Variants in ANK2 observed in about 807,000 individuals in gnomAD.
ANK2 encodes ankyrin-2.
A neutral mutation model predicts 360.5 loss-of-function variants in ANK2; 83 were observed. The observed-to-expected ratio is 0.23, with a 90% CI of 0.19 to 0.28. ANK2 has a LOEUF of 0.28. Among genes scored for constraint, ANK2 ranks in the 10% least tolerant of loss-of-function variants. The pLI is 1.00. For synonymous variants in ANK2, 1,740 were observed against 1,759.5 expected (o/e 0.99, Z 0.28); for missense variants, 4,201 against 4,795.7 (o/e 0.88, Z 3.66).
At chr4:113,202,828 A>G (rs746104227) in intron 4 of ANK2, among the ~76,000 whole-genome samples, 4 of 152,238 alleles carry the variant, frequency 2.6e-5, no homozygotes, top group Non-Finnish European at 4.4e-5. Context: ...CCAGAACACC[A>G]GCTGGATCAA....
At chr4:113,051,547 T>C (rs1580114145) in intron 1 of ANK2, among the ~76,000 whole-genome samples, 2 of 152,224 alleles carry the variant, frequency 1.3e-5, no homozygotes, top group East Asian at 3.8e-4. Context: ...GTTTTGAATG[T>C]GTGTGTCAGA....
chr4:113,350,495 A>T (rs2095341805), intron 37 of ANK2: 1 of 415,930 alleles, frequency 2.4e-6, no homozygotes, highest in Admixed American at 3.7e-5. Context: ...TTCTTTTGAC[A>T]TTCTTGTTAA....
chr4:112,989,590 C>T (rs2046061940), intron 2 of ANK2, among the ~76,000 whole-genome samples: 1 of 152,188 alleles, frequency 6.6e-6, no homozygotes, highest in African/African-American at 2.4e-5. Flanking sequence ...TGTTAAGAAA[C>T]AACACAGTGG....
the ANK2 span, among the ~76,000 whole-genome samples, chr4:112,781,099 A>C: frequency 6.6e-6 from 1 of 152,240 alleles, no homozygotes; most frequent in African/African-American, 2.4e-5. Context: ...TCCTGTGCTC[A>C]AGTGATTATT....
chr4:113,004,154 C>T (rs1160137361), intron 2 of ANK2, among the ~76,000 whole-genome samples: 5 of 152,124 alleles, frequency 3.3e-5, no homozygotes, highest in African/African-American at 1.2e-4. Context: ...ACTTAGGCTA[C>T]ACTACATTTA....
chr4:113,224,055 G>C (rs2099185278), intron 4 of ANK2, among the ~76,000 whole-genome samples: 1 of 152,142 alleles, frequency 6.6e-6, no homozygotes, highest in South Asian at 2.1e-4. Flanking sequence ...CAGAGAAGAT[G>C]ATCCAAAAGA....
intron 2 of ANK2, among the ~76,000 whole-genome samples, chr4:112,958,421 A>C (rs535893495): frequency 1.3e-5 from 2 of 151,982 alleles, no homozygotes; most frequent in Admixed American, 1.3e-4. Context: ...GCGAAACCCC[A>C]TCTCCACCAA....
At chr4:113,319,050 T>C (rs2084543033) in intron 26 of ANK2, among the ~76,000 whole-genome samples, 1 of 152,180 alleles carries the variant, frequency 6.6e-6, no homozygotes, top group African/African-American at 2.4e-5. Context: ...TTTCAAATAA[T>C]GTTACAGAAG....
intron 1 of ANK2, among the ~76,000 whole-genome samples, chr4:113,126,519 G>C (rs761605124): frequency 6.6e-6 from 1 of 152,148 alleles, no homozygotes; most frequent in African/African-American, 2.4e-5. Context: ...CTTCTTTGAG[G>C]ACAGAGGTTA....
At chr4:113,052,532 G>A (rs2067533611) in intron 1 of ANK2, among the ~76,000 whole-genome samples, 2 of 152,146 alleles carry the variant, frequency 1.3e-5, no homozygotes, top group Admixed American at 1.3e-4. Flanking sequence ...GAGCTAAAGG[G>A]TCTTTTGCCA....
At chr4:113,277,442 A>T (rs1043331753) in intron 15 of ANK2, among the ~76,000 whole-genome samples, 4 of 152,200 alleles carry the variant, frequency 2.6e-5, no homozygotes, top group Admixed American at 1.3e-4. Context: ...TATAAAAAGG[A>T]TTGAAAGAAA....
At chr4:112,907,566 C>CA (rs1374433799) in intron 2 of ANK2, among the ~76,000 whole-genome samples, 1 of 152,094 alleles carries the variant, frequency 6.6e-6, no homozygotes, top group East Asian at 1.9e-4. Flanking sequence ...CTCCATTGAA[C>CA]ATTGTTTGAA....
At chr4:112,767,196 T>C in the ANK2 span, among the ~76,000 whole-genome samples, 1 of 152,152 alleles carries the variant, frequency 6.6e-6, no homozygotes, top group Non-Finnish European at 1.5e-5. Context: ...CCTAGTAAAA[T>C]AATTGCAGAG....
chr4:113,079,276 G>A lies in ANK2; in HGVS notation c.84+29464G>A, dbSNP rs74633832. On this transcript the variant is annotated intron_variant, in intron 1 of 45. Coordinates refer to ENST00000357077, the MANE Select transcript of ANK2 (RefSeq NM_001148.6). The stretch of plus-strand genomic sequence containing the variant: ...TGTTTCCCGGATACAATCATGGCTT[G>A]ATTTTGTCACTGCTCCCTTAAACTT... Among the ~76,000 whole-genome samples, 1,179 of 152,298 alleles carry A rather than the reference G, an allele frequency of 7.7e-3. 37 individuals carry two copies. The East Asian group carries it at 0.096, about 12-fold the overall frequency.
chr4:113,243,424 C>T (rs2041086260), intron 9 of ANK2, among the ~76,000 whole-genome samples: 1 of 152,128 alleles, frequency 6.6e-6, no homozygotes, highest in African/African-American at 2.4e-5. Flanking sequence ...ATACCAGTCC[C>T]AGACTATAAA....
At chr4:113,060,679 CTTTTT>C (rs58946073) in intron 1 of ANK2, among the ~76,000 whole-genome samples, 2 of 89,348 alleles carry the variant, frequency 2.2e-5, no homozygotes, top group Non-Finnish European at 4.3e-5. Context: ...ATCTAAAAAG[CTTTTT>C]TTTTTTTTTT....
intron 2 of ANK2, among the ~76,000 whole-genome samples, chr4:112,991,998 T>C (rs2046992283): frequency 6.6e-6 from 1 of 152,190 alleles, no homozygotes; most frequent in Non-Finnish European, 1.5e-5. Flanking sequence ...TCTGAGAAGA[T>C]GGAAACTTTC....
In ANK2 at chr4:112,984,404, C is replaced by T. The variant is rs116415006; in HGVS notation, c.21+79890C>T. ...CATGTCTTACATGGATGGGAACAGG[C>T]AAAGAGAGAGAGCTTGTGCAGGAAA... On this transcript the variant is annotated intron_variant, in intron 2 of 30. Transcript: ENST00000503271. Among the ~76,000 whole-genome samples, 535 of 152,254 alleles carry T rather than the reference C, an allele frequency of 3.5e-3. 2 individuals carry two copies. Among genetic ancestry groups the T allele is most frequent in the African/African-American group, 0.012 (507 of 41,546 alleles).
chr4:113,119,382 C>T (rs1227780799), intron 1 of ANK2, among the ~76,000 whole-genome samples: 1 of 151,658 alleles, frequency 6.6e-6, no homozygotes, highest in Admixed American at 6.6e-5. Context: ...AGTCCCTCCC[C>T]CAACCCCACC....
Sources: gnomAD v4.1 joint callset for allele counts (sites outside exome capture counted in the v4.1 genomes callset) on GRCh38, gnomAD v4.1.1 for gene constraint, MANE v1.5 for transcripts, NCBI Gene and HGNC (gene_info 2026-07-23, HGNC 2026-07-21) for gene names.